NOS1: variants seen among roughly 807,000 people sequenced by gnomAD.
NOS1 encodes the protein nitric oxide synthase 1, also known as NOS type I.
Under a neutral mutation model 164.5 loss-of-function variants are expected in NOS1, and 51 were observed. That is an observed-to-expected ratio of 0.31 (90% CI 0.25 to 0.39). The LOEUF (loss-of-function observed/expected upper bound fraction) is 0.39. Among genes scored for constraint, NOS1 ranks in the 10% least tolerant of loss-of-function variants. The probability of loss-of-function intolerance (pLI) is 1.00; values close to 1 mark genes in which losing one functional copy is unlikely to be tolerated. For missense variants in NOS1, 1,362 were observed against 1,885.6 expected (o/e 0.72, Z 5.14); for synonymous variants, 719 against 745.8 (o/e 0.96, Z 0.59).
intron 3 of NOS1, among the ~76,000 whole-genome samples, chr12:117,306,780 C>T (rs868297917): frequency 3.3e-5 from 5 of 152,224 alleles, no homozygotes; most frequent in Admixed American, 6.5e-5. Context: ...CCATCATGCC[C>T]GGCTAATTTT....
At chr12:117,292,245 A>G (rs148775835) in intron 3 of NOS1, among the ~76,000 whole-genome samples, 99 of 152,346 alleles carry the variant, frequency 6.5e-4, no homozygotes, top group African/African-American at 2.3e-3. Context: ...TGATAAGAAT[A>G]GAAAATGGGG....
intron 1 of NOS1, among the ~76,000 whole-genome samples, chr12:117,332,829 C>A (rs903456441): frequency 2.0e-5 from 3 of 152,150 alleles, no homozygotes; most frequent in Non-Finnish European, 4.4e-5. Flanking sequence ...TACGCCATTG[C>A]GCTCCAGCCT....
At chr12:117,304,609 C>T (rs1874036157) in intron 3 of NOS1, among the ~76,000 whole-genome samples, 1 of 152,190 alleles carries the variant, frequency 6.6e-6, no homozygotes, top group Non-Finnish European at 1.5e-5. Context: ...TTTGTTCTAT[C>T]TACTATCCCA....
rs574450868 is a variant in NOS1, at chr12:117,259,996, G to A, written c.2367+469C>T. Among the ~76,000 whole-genome samples, 120 of 152,028 alleles carry A rather than the reference G, an allele frequency of 7.9e-4. 3 individuals carry two copies. The South Asian group carries it at 0.024, about 30-fold the overall frequency. ...TAGCCGAACGTGGTGGTGGGCGCCT[G>A]CAGTCCCAGCTACTCGGGAGGCTGA... is the stretch of plus-strand genomic sequence containing the variant. On this transcript the variant is annotated intron_variant, in intron 14 of 28. Coordinates refer to ENST00000317775, the MANE Select transcript of NOS1 (RefSeq NM_000620.5).
chr12:117,312,501 G>C (rs1874479901), intron 2 of NOS1, among the ~76,000 whole-genome samples: 1 of 152,018 alleles, frequency 6.6e-6, no homozygotes, highest in Non-Finnish European at 1.5e-5. Flanking sequence ...CTGCAGCCTT[G>C]ATCTTCTGGG....
intron 26 of NOS1, among the ~76,000 whole-genome samples, chr12:117,221,499 G>A (rs1246051967): frequency 1.3e-5 from 2 of 151,660 alleles, no homozygotes; most frequent in African/African-American, 2.4e-5. Flanking sequence ...GGCCAGGTTG[G>A]TCTCGAACTC....
In NOS1 at chr12:117,208,742, T is replaced by TC. The variant is rs1555245853; in HGVS notation, c.*6566dup. 1.6e-5 allele frequency: 16 copies of TC among 988,862 alleles called. No homozygotes were observed. In the African/African-American group the frequency reaches 2.1e-4, roughly 13 times the overall value. The allele number at this position is 988,862 out of a possible 1,614,324, so 61.3% of individuals were successfully genotyped here. ...GCATGGGAGGGCTTTTTTTTTTTTT[T>TC]CCACAGGGTCTCATTCTGTCAACAA... On this transcript the variant is annotated 3_prime_UTR_variant, in exon 29 of 29. Coordinates refer to ENST00000317775, the MANE Select transcript of NOS1 (RefSeq NM_000620.5).
At chr12:117,215,508 C>G (rs1429962091) in intron 28 of NOS1, among the ~76,000 whole-genome samples, 184 bp from the exon 29 acceptor site, 1 of 151,790 alleles carries the variant, frequency 6.6e-6, no homozygotes, top group African/African-American at 2.4e-5. Context: ...ACGATCCCAG[C>G]TCACTGCAAT....
At chr12:117,341,273 G>C (rs1234366849) in intron 1 of NOS1, among the ~76,000 whole-genome samples, 1 of 152,064 alleles carries the variant, frequency 6.6e-6, no homozygotes, top group African/African-American at 2.4e-5. Flanking sequence ...CTCCTTTTCG[G>C]AATGCTGCAA....
At chr12:117,268,248 T>A (rs1872561268) in intron 10 of NOS1, 104 bp from the exon 11 acceptor site, 17 of 781,250 alleles carry the variant, frequency 2.2e-5, no homozygotes, top group South Asian at 2.1e-4. Flanking sequence ...TTCTTTTTTT[T>A]TAAATGGACT....
chr12:117,242,188 T>C (rs1041214734), intron 20 of NOS1, among the ~76,000 whole-genome samples: 1 of 152,238 alleles, frequency 6.6e-6, no homozygotes, highest in African/African-American at 2.4e-5. Flanking sequence ...CAGAGTGGGC[T>C]GTTTTGTGAG....
At chr12:117,296,941 T>C (rs917721714) in intron 3 of NOS1, among the ~76,000 whole-genome samples, 1 of 152,232 alleles carries the variant, frequency 6.6e-6, no homozygotes, top group African/African-American at 2.4e-5. Flanking sequence ...AACCTGACCA[T>C]GCTGGCACCA....
chr12:117,247,411 C>T lies in NOS1; in HGVS notation c.2760G>A (p.Arg920=), dbSNP rs2291906. ...CCTGCCCACAGAGCTCATCCCCTTC[C>T]CTCATCTTCAGGATCCTCTCCCCTC... ...ELGGERILKM[R]EGDELCGQEE... The change falls in exon 18 of 29, where the codon AGG becomes AGA. Residue 920 remains arginine, a synonymous_variant. Coordinates refer to ENST00000317775, the MANE Select transcript of NOS1 (RefSeq NM_000620.5). 20 of 1,612,652 alleles carry T rather than the reference C, an allele frequency of 1.2e-5. No homozygotes were observed. The East Asian group carries it at 1.8e-4, about 14-fold the overall frequency.
intron 3 of NOS1, among the ~76,000 whole-genome samples, chr12:117,293,098 C>A (rs552621040): frequency 6.6e-6 from 1 of 152,262 alleles, no homozygotes; most frequent in African/African-American, 2.4e-5. Flanking sequence ...ATCATGGCCA[C>A]CTTTGCAGCC....
intron 20 of NOS1, 74 bp downstream of exon 20, chr12:117,242,553 A>G (rs1870269432): frequency 8.0e-7 from 1 of 1,243,172 alleles, no homozygotes; most frequent in African/African-American, 1.5e-5. Context: ...CTTGGAGTCC[A>G]CAGGGCTTGT....
chr12:117,244,961 C>G (rs816357), intron 18 of NOS1, among the ~76,000 whole-genome samples: 29,724 of 152,048 alleles, frequency 0.2, 4,645 homozygotes, highest in African/African-American at 0.44. Flanking sequence ...GCCTTGCTTC[C>G]TGGTTGCTCA....
rs2136093423 is a variant in NOS1, at chr12:117,350,871, T to C, written c.-421+10641A>G. Among the ~76,000 whole-genome samples, 3 of 152,232 alleles carry C rather than the reference T, an allele frequency of 2.0e-5. 1 individual carries two copies. In the South Asian group the frequency reaches 6.2e-4, roughly 32 times the overall value. ...GCTCAAGCCTGTAATCCCAGCCCTTTGGGAGGCCGAGGCGGGCGGATCACG... is the reference window on the plus strand; with the variant it reads ...GCTCAAGCCTGTAATCCCAGCCCTTCGGGAGGCCGAGGCGGGCGGATCACG... On this transcript the variant is annotated intron_variant, in intron 1 of 28. Coordinates refer to ENST00000317775, the MANE Select transcript of NOS1 (RefSeq NM_000620.5).
At chr12:117,300,300 A>G (rs1593003617) in intron 3 of NOS1, among the ~76,000 whole-genome samples, 1 of 152,308 alleles carries the variant, frequency 6.6e-6, no homozygotes, top group African/African-American at 2.4e-5. Context: ...CTGATTGTGA[A>G]CCACAGTGTC....
chr12:117,237,961 G>T (rs1216278232), intron 20 of NOS1, among the ~76,000 whole-genome samples: 1 of 152,108 alleles, frequency 6.6e-6, no homozygotes, highest in Middle Eastern at 3.2e-3. Flanking sequence ...CTTCTCTGGC[G>T]ATTTGACACT....
Sources: allele counts gnomAD v4.1 joint callset (sites outside exome capture counted in the v4.1 genomes callset), GRCh38; gene constraint gnomAD v4.1.1; transcripts MANE v1.5; gene names NCBI Gene and HGNC (gene_info 2026-07-23, HGNC 2026-07-21).